PTP4A1: variants seen among roughly 807,000 people sequenced by gnomAD.
PTP4A1 encodes protein tyrosine phosphatase 4A1, also known as protein tyrosine phosphatase type IVA 1.
A neutral mutation model predicts 20.5 loss-of-function variants in PTP4A1; 9 were observed. The ratio of observed to expected loss-of-function variants is 0.44; its 90% CI spans 0.26 to 0.77. The LOEUF is 0.77. Ranked by LOEUF, PTP4A1 falls within the 30% of genes least tolerant of loss-of-function variation. PTP4A1 has a pLI of 0.19. For missense variants in PTP4A1, 137 were observed against 218.8 expected (o/e 0.63, Z 2.36); for synonymous variants, 78 against 67.4 (o/e 1.16, Z -0.77).
intron 3 of PTP4A1, among the ~76,000 whole-genome samples, chr6:63,552,180 T>A (rs1776478089): frequency 6.6e-6 from 1 of 152,184 alleles, no homozygotes; most frequent in Non-Finnish European, 1.5e-5. Context: ...GTGTTCCTAT[T>A]TCTCCACATC....
intron 2 of PTP4A1, among the ~76,000 whole-genome samples, chr6:63,530,335 AG>A (rs758466867): frequency 2.0e-5 from 3 of 152,318 alleles, no homozygotes; most frequent in Non-Finnish European, 4.4e-5. Flanking sequence ...CCTGAGAAAA[AG>A]CACAAAGGCT....
chr6:63,538,881 A>T (rs1367522869), intron 2 of PTP4A1, among the ~76,000 whole-genome samples: 1 of 151,866 alleles, frequency 6.6e-6, no homozygotes, highest in African/African-American at 2.4e-5. Context: ...AGAAGTAATA[A>T]TATTTATTTA....
intron 3 of PTP4A1, among the ~76,000 whole-genome samples, chr6:63,565,758 A>G (rs981369431): frequency 6.6e-6 from 1 of 152,174 alleles, no homozygotes; most frequent in South Asian, 2.1e-4. Flanking sequence ...TTCCCACAGA[A>G]ATTAGGATGT....
At chr6:63,548,766 G>T in intron 2 of PTP4A1, 4 of 704,860 alleles carry the variant, frequency 5.7e-6, no homozygotes, top group Non-Finnish European at 1.0e-5. Flanking sequence ...GCCAATGCAA[G>T]CCACAGACTT....
chr6:63,574,235 C>A (rs999978148), intron 1 of PTP4A1, among the ~76,000 whole-genome samples: 1 of 152,168 alleles, frequency 6.6e-6, no homozygotes, highest in Non-Finnish European at 1.5e-5. Flanking sequence ...TTGTTTGTGA[C>A]AAAGGAGTTA....
intron 2 of PTP4A1, among the ~76,000 whole-genome samples, chr6:63,542,863 C>T (rs1776039164): frequency 6.6e-6 from 1 of 152,170 alleles, no homozygotes; most frequent in African/African-American, 2.4e-5. Flanking sequence ...TTCATCCAAG[C>T]CATGATCATG....
At chr6:63,530,407 A>T (rs539331827) in intron 2 of PTP4A1, among the ~76,000 whole-genome samples, 6 of 152,316 alleles carry the variant, frequency 3.9e-5, no homozygotes, top group Admixed American at 6.5e-5. Flanking sequence ...CCTGCCTTTT[A>T]TTCCCAAATC....
At position 63,554,684 on chromosome 6, in the gene PTP4A1, G is replaced by C. The variant is rs143995299; in HGVS notation, c.-446+4191G>C. On this transcript the variant is annotated intron_variant, in intron 3 of 3. Coordinates refer to the PTP4A1 transcript ENST00000639568. ...GGCATGTAGTCCCAGCTACTGGAGA[G>C]GCTGAGGCACAAGAGTCCCTTGAAC... Among the ~76,000 whole-genome samples, 6 of 152,240 alleles carry C rather than the reference G, an allele frequency of 3.9e-5. 1 individual carries two copies. The highest frequency in any genetic ancestry group is 1.4e-4 in the African/African-American group (6 of 41,530).
At chr6:63,520,800 C>G (rs763395434), upstream of PTP4A1, among the ~76,000 whole-genome samples, 144 of 151,834 alleles carry the variant, frequency 9.5e-4, 1 homozygote, top group Non-Finnish European at 1.9e-3. Context: ...TAATTTTTTG[C>G]CTTGTAAACA....
upstream of PTP4A1, among the ~76,000 whole-genome samples, chr6:63,520,739 T>C (rs2149470661): frequency 6.6e-6 from 1 of 152,278 alleles, no homozygotes; most frequent in Non-Finnish European, 1.5e-5. Flanking sequence ...CTGTGGTTTG[T>C]GTTTATTATT....
chr6:63,568,423 A>AT (rs1777279337), upstream of PTP4A1, among the ~76,000 whole-genome samples: 1 of 152,250 alleles, frequency 6.6e-6, no homozygotes, highest in Admixed American at 6.5e-5. Flanking sequence ...CATTTATCAA[A>AT]TAAGTTTGCC....
intron 2 of PTP4A1, among the ~76,000 whole-genome samples, chr6:63,541,055 A>G (rs200088412): frequency 3.7e-5 from 5 of 133,968 alleles, no homozygotes; most frequent in African/African-American, 1.1e-4. Context: ...GGAAGGAAGG[A>G]AGGGAGGGAA....
intron 3 of PTP4A1, among the ~76,000 whole-genome samples, chr6:63,556,344 CT>C (rs896768424): frequency 3.4e-5 from 5 of 149,230 alleles, no homozygotes; most frequent in African/African-American, 9.8e-5. Flanking sequence ...TTGCCTTTTT[CT>C]TTTTTTTTCT....
chr6:63,579,742 C>T (rs1359365265), intron 5 of PTP4A1, among the ~76,000 whole-genome samples: 1 of 152,170 alleles, frequency 6.6e-6, no homozygotes, highest in Non-Finnish European at 1.5e-5. Context: ...CTTTTGTAGT[C>T]ATCTTCCCTG....
At chr6:63,562,885 AT>A (rs1581938818) in intron 3 of PTP4A1, among the ~76,000 whole-genome samples, 1 of 152,240 alleles carries the variant, frequency 6.6e-6, no homozygotes, top group African/African-American at 2.4e-5. Context: ...ATGTGAAATT[AT>A]GGAACTTTTC....
chr6:63,558,980 A>G (rs1307278733), intron 3 of PTP4A1, among the ~76,000 whole-genome samples: 1 of 152,218 alleles, frequency 6.6e-6, no homozygotes, highest in Non-Finnish European at 1.5e-5. Context: ...TTGAAGGGTG[A>G]TTAGCTTTAA....
At chr6:63,535,806 G>A (rs374535049) in intron 2 of PTP4A1, among the ~76,000 whole-genome samples, 1 of 152,118 alleles carries the variant, frequency 6.6e-6, no homozygotes, top group African/African-American at 2.4e-5. Flanking sequence ...GGCTGGCCAC[G>A]ATGGCTCATG....
At chr6:63,571,698 TCGAAATGCCAC>T (rs1209952066), upstream of PTP4A1, 1 of 152,202 alleles carries the variant, frequency 6.6e-6, no homozygotes, top group Non-Finnish European at 1.5e-5. Flanking sequence ...GCATGTGATT[TCGAAATGCCAC>T]AATTGAGCCA....
rs567452899 is a variant in PTP4A1, at chr6:63,564,086, C to T, written c.-445-12350C>T. Among the ~76,000 whole-genome samples the T allele has an allele frequency of 8.5e-5, 13 of 152,200 alleles. 1 individual carries two copies. Among genetic ancestry groups the T allele is most frequent in the African/African-American group, 3.1e-4 (13 of 41,512 alleles). On this transcript the variant is annotated intron_variant, in intron 3 of 3. Transcript: ENST00000639568. Reference sequence around the variant, plus strand: ...GGTCAGGAGTTCGAGACCAGCCTGGCCAACATGCAGAAACCCCATCTCTAC... The same window carrying T: ...GGTCAGGAGTTCGAGACCAGCCTGGTCAACATGCAGAAACCCCATCTCTAC...
Sources: allele counts gnomAD v4.1 joint callset (sites outside exome capture counted in the v4.1 genomes callset), GRCh38; gene constraint gnomAD v4.1.1; transcripts MANE v1.5; gene names NCBI Gene and HGNC (gene_info 2026-07-23, HGNC 2026-07-21).